The following POU6F2 variants were observed in gnomAD, a reference collection of about 807,000 sequenced individuals.
The protein encoded by POU6F2 is POU class 6 homeobox 2.
POU6F2 carries 31 observed loss-of-function variants against 71.3 expected under a neutral mutation model. That is an observed-to-expected ratio of 0.43 (90% CI 0.33 to 0.59). The LOEUF is 0.59. Ranked by LOEUF, POU6F2 falls within the 20% of genes least tolerant of loss-of-function variation. The pLI, the probability that POU6F2 is intolerant of heterozygous loss-of-function variation, is 0.04. For missense variants in POU6F2, 783 were observed against 856.8 expected, an observed-to-expected ratio of 0.91 and a Z score of 1.07; for synonymous variants, 347 against 355.7, an observed-to-expected ratio of 0.98 and a Z score of 0.27.
intron 4 of POU6F2, among the ~76,000 whole-genome samples, chr7:39,339,196 A>AG (rs1785854918): frequency 6.6e-6 from 1 of 152,316 alleles, no homozygotes; most frequent in South Asian, 2.1e-4. Context: ...ATGGATGTAA[A>AG]GGCAATTGCA....
chr7:39,461,046 A>G (rs1019328503), intron 9 of POU6F2, among the ~76,000 whole-genome samples: 1 of 152,168 alleles, frequency 6.6e-6, no homozygotes, highest in African/African-American at 2.4e-5. Context: ...GCACGTAGGT[A>G]TTCTGAGCAA....
chr7:39,029,559 C>T (rs1249883790), intron 1 of POU6F2, among the ~76,000 whole-genome samples: 1 of 151,736 alleles, frequency 6.6e-6, no homozygotes, highest in Admixed American at 6.6e-5. Flanking sequence ...GATGGATACC[C>T]TAAAAGCCCT....
At chr7:39,418,913 ATATATATG>A (rs1288780488) in intron 6 of POU6F2, among the ~76,000 whole-genome samples, 44 of 147,178 alleles carry the variant, frequency 3.0e-4, no homozygotes, top group Middle Eastern at 3.6e-3. Flanking sequence ...GTGTGTGTAT[ATATATATG>A]TATATATGTA....
chr7:39,396,601 C>T (rs1415588658), intron 5 of POU6F2, among the ~76,000 whole-genome samples: 2 of 152,208 alleles, frequency 1.3e-5, no homozygotes, highest in African/African-American at 4.8e-5. Context: ...AGTAGAGCCT[C>T]ACTTTTCACT....
chr7:39,335,593 T>TGTA (rs1785753686), intron 4 of POU6F2, among the ~76,000 whole-genome samples: 1 of 152,234 alleles, frequency 6.6e-6, no homozygotes, highest in East Asian at 1.9e-4. Context: ...TCACTGGCTG[T>TGTA]GTAAACTTGG....
intron 7 of POU6F2, among the ~76,000 whole-genome samples, chr7:39,441,074 T>C (rs1788391759): frequency 6.6e-6 from 1 of 152,118 alleles, no homozygotes; most frequent in Admixed American, 6.5e-5. Flanking sequence ...TCCTCCTTCT[T>C]CTGGGACCTC....
At chr7:39,061,531 A>G (rs563528586) in intron 1 of POU6F2, among the ~76,000 whole-genome samples, 11 of 152,308 alleles carry the variant, frequency 7.2e-5, no homozygotes, top group African/African-American at 2.6e-4. Context: ...ATATCATGCA[A>G]CTGGTCATTT....
At chr7:39,463,097 A>T (rs1316186268) in intron 9 of POU6F2, among the ~76,000 whole-genome samples, 1 of 152,256 alleles carries the variant, frequency 6.6e-6, no homozygotes, top group East Asian at 1.9e-4. Context: ...AATTCTGTGT[A>T]TCCAAAGCTG....
At chr7:39,283,804 T>C (rs1784605749) in intron 4 of POU6F2, among the ~76,000 whole-genome samples, 1 of 152,236 alleles carries the variant, frequency 6.6e-6, no homozygotes, top group South Asian at 2.1e-4. Context: ...TGCTTCTGGA[T>C]AGCTCAGCCA....
chr7:39,252,880 T>C (rs1783952443), intron 4 of POU6F2, among the ~76,000 whole-genome samples: 3 of 152,208 alleles, frequency 2.0e-5, no homozygotes. Flanking sequence ...TGCTTTATTT[T>C]AGCTATAGCT....
intron 4 of POU6F2, among the ~76,000 whole-genome samples, chr7:39,294,286 T>G (rs1583503241): frequency 6.6e-6 from 1 of 150,690 alleles, no homozygotes; most frequent in Non-Finnish European, 1.5e-5. Flanking sequence ...GTTAACAAGA[T>G]GCATTCATTT....
chr7:38,982,829 A>T (rs1469075498), intron 1 of POU6F2, among the ~76,000 whole-genome samples: 1 of 152,112 alleles, frequency 6.6e-6, no homozygotes, highest in Non-Finnish European at 1.5e-5. Flanking sequence ...ATATGCAGAG[A>T]GGTGGCTGCA....
At chr7:38,991,763 C>T (rs1436445831) in intron 1 of POU6F2, among the ~76,000 whole-genome samples, 1 of 151,998 alleles carries the variant, frequency 6.6e-6, no homozygotes, top group East Asian at 1.9e-4. Context: ...AGCAAAGGGG[C>T]TTGAATAGAA....
chr7:39,252,584 G>T (rs1286777523), intron 4 of POU6F2, among the ~76,000 whole-genome samples: 1 of 152,112 alleles, frequency 6.6e-6, no homozygotes, highest in African/African-American at 2.4e-5. Context: ...CTATGGAGAG[G>T]GTCCTTAACA....
chr7:39,025,126 A>T (rs1245560057), intron 1 of POU6F2, among the ~76,000 whole-genome samples: 1 of 152,120 alleles, frequency 6.6e-6, no homozygotes, highest in Non-Finnish European at 1.5e-5. Flanking sequence ...CTGTGAATCC[A>T]TCTGGTCCTG....
At chr7:39,347,470 C>T in intron 5 of POU6F2, among the ~76,000 whole-genome samples, 1 of 152,060 alleles carries the variant, frequency 6.6e-6, no homozygotes, top group East Asian at 1.9e-4. Flanking sequence ...CAGGGCAAAC[C>T]TACACTAAAG....
intron 4 of POU6F2, among the ~76,000 whole-genome samples, chr7:39,294,564 G>C (rs1033887092): frequency 5.3e-5 from 8 of 151,916 alleles, no homozygotes; most frequent in Non-Finnish European, 8.8e-5. Context: ...ATTTATCTCA[G>C]TTGATGTTTT....
At position 39,223,210 on chromosome 7, in the gene POU6F2, T is replaced by C. The variant is rs182455888; in HGVS notation, c.598+15590T>C. Among the ~76,000 whole-genome samples the C allele has an allele frequency of 1.1e-3, 173 of 152,300 alleles. 2 individuals are homozygous for C. Among genetic ancestry groups the C allele is most frequent in the Non-Finnish European group, 1.3e-3 (90 of 68,024 alleles). ...ACTGACTTCTCCTAATATGGCTTAA[T>C]CACATTCAAGTATGATATCAAATAT... On this transcript the variant is annotated intron_variant, in intron 4 of 9. Transcript: ENST00000518318.
intron 4 of POU6F2, among the ~76,000 whole-genome samples, chr7:39,221,550 C>T (rs1044280641): frequency 6.6e-6 from 1 of 151,866 alleles, no homozygotes; most frequent in Admixed American, 6.6e-5. Context: ...GCCACCACAC[C>T]TAATTTTTGT....
Sources: gnomAD v4.1 joint callset for allele counts (sites outside exome capture counted in the v4.1 genomes callset) on GRCh38, gnomAD v4.1.1 for gene constraint, MANE v1.5 for transcripts, NCBI Gene and HGNC (gene_info 2026-07-23, HGNC 2026-07-21) for gene names.